Variants in DRAM1 observed in about 807,000 individuals in gnomAD.
DRAM1 encodes DNA damage regulated autophagy modulator 1, also known as DNA damage-regulated autophagy modulator protein 1.
DRAM1 carries 25 observed loss-of-function variants against 28.5 expected under a neutral mutation model. The ratio of observed to expected loss-of-function variants is 0.88; its 90% CI spans 0.64 to 1.23. DRAM1 has a LOEUF of 1.23. Among genes scored for constraint, DRAM1 ranks in the 50% most tolerant of loss-of-function variants. The pLI is 0.00. For missense variants in DRAM1, 249 were observed against 299.2 expected (o/e 0.83, Z 1.24); for synonymous variants, 113 against 114.2 (o/e 0.99, Z 0.07).
chr12:101,881,618 G>A (rs1391949617), intron 1 of DRAM1, among the ~76,000 whole-genome samples: 2 of 152,166 alleles, frequency 1.3e-5, no homozygotes, highest in Non-Finnish European at 2.9e-5. Context: ...GACCTTTGCA[G>A]TGGCTGTTCC....
chr12:101,887,338 G>T (rs1209298977), intron 1 of DRAM1, among the ~76,000 whole-genome samples: 3 of 152,048 alleles, frequency 2.0e-5, no homozygotes, highest in Admixed American at 2.0e-4. Flanking sequence ...CCACTTTAAA[G>T]AAACCAAAAT....
intron 1 of DRAM1, among the ~76,000 whole-genome samples, chr12:101,878,449 G>A (rs7132355): frequency 0.11 from 16,937 of 152,192 alleles, 1,110 homozygotes; most frequent in East Asian, 0.19. Context: ...TTCACACCCG[G>A]CCATGCAGAA....
intron 3 of DRAM1, 179 bp downstream of exon 3, chr12:101,901,612 G>A (rs1043973700): frequency 1.8e-5 from 12 of 680,252 alleles, no homozygotes; most frequent in South Asian, 1.4e-4. Flanking sequence ...AGGGCCAGGT[G>A]TGGTGGCTCA....
intron 2 of DRAM1, among the ~76,000 whole-genome samples, chr12:101,898,297 T>C (rs1435310394): frequency 3.9e-5 from 6 of 152,184 alleles, no homozygotes; most frequent in Non-Finnish European, 8.8e-5. Flanking sequence ...GCTGAACTTA[T>C]AGGTGTGAGC....
chr12:101,921,312 G>C lies in DRAM1; in HGVS notation c.*52G>C. On this transcript the variant is annotated 3_prime_UTR_variant, in exon 7 of 7. Coordinates refer to ENST00000258534, the MANE Select transcript of DRAM1 (RefSeq NM_018370.3). ...TGAATGTCGCAGGCCATTTCTAAAAGTGCTACAGAGGACAGACAGGGTTTT... is the reference window on the plus strand; with the variant it reads ...TGAATGTCGCAGGCCATTTCTAAAACTGCTACAGAGGACAGACAGGGTTTT... 6.7e-7 allele frequency: 1 copy of C among 1,482,314 alleles called. No individual in the cohort carries two copies. 91.8% of individuals were successfully genotyped at this position (1,482,314 alleles called of 1,614,324 possible). A position where few individuals can be genotyped will look rare whatever the true frequency, so the allele number is the denominator to read the frequency against.
Position 101,920,297 on chromosome 12 carries a change from C to CTTTTTTTT in DRAM1, c.672+108_672+115dup, listed in dbSNP as rs373899697. 6.7e-4 allele frequency: 187 copies of CTTTTTTTT among 277,174 alleles called. 2 individuals carry two copies. Among genetic ancestry groups the CTTTTTTTT allele is most frequent in the Admixed American group, 4.1e-3 (49 of 11,810 alleles). The allele number at this position is 277,174 out of a possible 1,614,324, so 17.2% of individuals were successfully genotyped here. On this transcript the variant is annotated intron_variant, in intron 6 of 6. Coordinates refer to ENST00000258534, the MANE Select transcript of DRAM1 (RefSeq NM_018370.3). ...TTTGCATTTTTAAAAAGAGCACTTTCTTTTTTTTTTTTTTTTTTTGAGACG... is the reference window on the plus strand; with the variant it reads ...TTTGCATTTTTAAAAAGAGCACTTTCTTTTTTTTTTTTTTTTTTTTTTTTTTTGAGACG...
At chr12:101,910,565 C>G (rs929870897) in intron 4 of DRAM1, among the ~76,000 whole-genome samples, 5 of 151,844 alleles carry the variant, frequency 3.3e-5, no homozygotes, top group African/African-American at 9.7e-5. Flanking sequence ...GCAACCTCCG[C>G]CTCCCGGGTT....
intron 1 of DRAM1, among the ~76,000 whole-genome samples, chr12:101,885,790 A>G: frequency 6.6e-6 from 1 of 152,134 alleles, no homozygotes; most frequent in East Asian, 1.9e-4. Flanking sequence ...GGCCTCAAAA[A>G]GTGCTGGGAT....
Position 101,922,791 on chromosome 12 carries a change from T to C in DRAM1, c.*1531T>C, listed in dbSNP as rs1347641520. On this transcript the variant is annotated 3_prime_UTR_variant, in exon 7 of 7. Transcript: ENST00000258534. The stretch of plus-strand genomic sequence containing the variant: ...TGGAAGAGTTTGACAGAGATACACC[T>C]TTGTAAGAAAACATTAAGAATGCTG... 7.9e-5 allele frequency: 12 copies of C among 152,208 alleles called. No individual in the cohort carries two copies. Among genetic ancestry groups the C allele is most frequent in the Non-Finnish European group, 1.3e-4 (9 of 68,040 alleles). 9.4% of individuals were successfully genotyped at this position (152,208 alleles called of 1,614,324 possible).
At chr12:101,909,298 A>AT (rs1873949564) in intron 4 of DRAM1, among the ~76,000 whole-genome samples, 1 of 151,108 alleles carries the variant, frequency 6.6e-6, no homozygotes, top group Non-Finnish European at 1.5e-5. Context: ...AAATGTCTCA[A>AT]CATTGTCTAA....
chr12:101,919,190 G>A (rs932786878), intron 5 of DRAM1, among the ~76,000 whole-genome samples: 1 of 152,000 alleles, frequency 6.6e-6, no homozygotes, highest in Non-Finnish European at 1.5e-5. Context: ...ACAGGTGTGA[G>A]CCATTGCAAC....
chr12:101,906,277 G>C (rs542245210), intron 3 of DRAM1, among the ~76,000 whole-genome samples: 2 of 151,996 alleles, frequency 1.3e-5, no homozygotes, highest in South Asian at 4.1e-4. Flanking sequence ...TTCTTATGTG[G>C]TGAATGAAAA....
At chr12:101,882,353 G>T (rs907463362) in intron 1 of DRAM1, among the ~76,000 whole-genome samples, 1 of 150,398 alleles carries the variant, frequency 6.6e-6, no homozygotes, top group African/African-American at 2.4e-5. Context: ...CTTGTGATCC[G>T]CCCGCCTCAG....
At chr12:101,906,467 C>G (rs1873812569) in intron 3 of DRAM1, among the ~76,000 whole-genome samples, 1 of 152,152 alleles carries the variant, frequency 6.6e-6, no homozygotes, top group Non-Finnish European at 1.5e-5. Flanking sequence ...TTTAACTTGC[C>G]CTTTGCAAAG....
chr12:101,887,627 C>T (rs1566120844), intron 1 of DRAM1, among the ~76,000 whole-genome samples: 1 of 151,634 alleles, frequency 6.6e-6, no homozygotes. Flanking sequence ...GCCTCCTGGG[C>T]TCAAGTGATT....
chr12:101,920,068 G>A (rs1874419051), intron 5 of DRAM1, 41 bp from the exon 6 acceptor site: 6 of 1,424,852 alleles, frequency 4.2e-6, no homozygotes, highest in Non-Finnish European at 5.8e-6. Flanking sequence ...ATTAAAGTGA[G>A]TCTTTTTCGG....
intron 4 of DRAM1, among the ~76,000 whole-genome samples, chr12:101,912,524 T>A (rs75277818): frequency 0.023 from 3,456 of 152,212 alleles, 140 homozygotes; most frequent in African/African-American, 0.079. Context: ...GAGCTAAGAA[T>A]AAATAAACGA....
At chr12:101,895,048 C>G (rs1284625376) in intron 1 of DRAM1, among the ~76,000 whole-genome samples, 1 of 152,042 alleles carries the variant, frequency 6.6e-6, no homozygotes, top group African/African-American at 2.4e-5. Context: ...TGCTTTTTTC[C>G]CCATTACTGG....
chr12:101,901,562 G>C, intron 3 of DRAM1, 129 bp downstream of exon 3: 1 of 1,162,766 alleles, frequency 8.6e-7, no homozygotes, highest in Non-Finnish European at 1.2e-6. Context: ...ACAATAAGTG[G>C]GTTAGTTTGC....
Sources: allele counts gnomAD v4.1 joint callset (sites outside exome capture counted in the v4.1 genomes callset), GRCh38; gene constraint gnomAD v4.1.1; transcripts MANE v1.5; gene names NCBI Gene and HGNC (gene_info 2026-07-23, HGNC 2026-07-21).